MAST3: variants seen among roughly 807,000 people sequenced by gnomAD.
The protein encoded by MAST3 is microtubule-associated serine/threonine-protein kinase 3.
Under a neutral mutation model 127.0 loss-of-function variants are expected in MAST3, and 43 were observed. That is an observed-to-expected ratio of 0.34 (90% CI 0.27 to 0.44). The LOEUF is 0.44. MAST3 is among the 20% of genes least tolerant of loss of function. MAST3 has a pLI of 1.00. For missense variants in MAST3, 1,390 were observed against 1,919.1 expected (o/e 0.72, Z 5.15); for synonymous variants, 785 against 809.2 (o/e 0.97, Z 0.51).
At chr19:18,130,819 C>A in intron 14 of MAST3, 117 bp downstream of exon 14, 1 of 1,059,570 alleles carries the variant, frequency 9.4e-7, no homozygotes, top group Non-Finnish European at 1.4e-6. Flanking sequence ...TCTCACCCTG[C>A]TTTGGGGAAC....
In MAST3 at chr19:18,112,107, C is replaced by T. The variant is rs2038712447; in HGVS notation, c.161+1366C>T. ...CTGGGCACAGCTAAAGAAAGATTGG[C>T]ACCAGGCAGTGGGTACTGCATGTGC... On this transcript the variant is annotated intron_variant, in intron 3 of 27. Transcript: ENST00000687212. The surrounding 1 kb of genome is among the most constrained non-coding windows in gnomAD (Gnocchi z 4.1). Among the ~76,000 whole-genome samples, 1 of 152,220 alleles carries T rather than the reference C, an allele frequency of 6.6e-6. No homozygotes were observed. Among genetic ancestry groups the T allele is most frequent in the African/African-American group, 2.4e-5 (1 of 41,450 alleles).
At chr19:18,117,718 C>T (rs749790701) in intron 3 of MAST3, among the ~76,000 whole-genome samples, 145 of 152,258 alleles carry the variant, frequency 9.5e-4, no homozygotes, top group Non-Finnish European at 1.7e-3. Flanking sequence ...ATGGAGGGAG[C>T]GATTAGATTT....
intron 5 of MAST3, among the ~76,000 whole-genome samples, chr19:18,122,423 C>T (rs1366762279): frequency 1.3e-5 from 2 of 150,412 alleles, no homozygotes; most frequent in Admixed American, 6.6e-5. Flanking sequence ...CCAGAAGCTA[C>T]AGCTCAGAGG....
chr19:18,139,060 C>G lies in MAST3; in HGVS notation c.2141C>G (p.Thr714Ser). ...CATCTGGGCTCCGAGGACGACGAGA[C>G]CAATGATGAAGAATCGTCCACAGAG... ...YRHLGSEDDE[T>S]NDEESSTEIP... The change falls in exon 20 of 28, where the codon ACC becomes AGC. Residue 714 changes from threonine (T) to serine (S), a missense_variant. Around this residue, in one of 5 missense-constraint regions of MAST3, gnomAD observed 816 missense variants for 934.1 expected, o/e 0.87. Transcript: ENST00000687212. The G allele has an allele frequency of 1.2e-6, 2 of 1,604,322 alleles. No individual in the cohort carries two copies. Among genetic ancestry groups the G allele is most frequent in the Non-Finnish European group, 1.7e-6 (2 of 1,175,562 alleles).
Position 18,122,118 on chromosome 19 carries a change from G to A in MAST3, c.320+196G>A, listed in dbSNP as rs373959165. 348 of 985,022 alleles carry A rather than the reference G, an allele frequency of 3.5e-4. 2 individuals carry two copies. In the African/African-American group the frequency reaches 5.7e-3, roughly 16 times the overall value. 61.0% of individuals were successfully genotyped at this position (985,022 alleles called of 1,614,324 possible). A position where few individuals can be genotyped will look rare whatever the true frequency, so the allele number is the denominator to read the frequency against. On this transcript the variant is annotated intron_variant, in intron 5 of 27. Coordinates refer to ENST00000687212, the MANE Select transcript of MAST3 (RefSeq NM_001393504.1). Reference sequence around the variant, plus strand: ...ATGCCATCTTGCAGCCACATCCCACGCATGGACAGGTAATTTCAACCAGCC... The same window carrying A: ...ATGCCATCTTGCAGCCACATCCCACACATGGACAGGTAATTTCAACCAGCC...
chr19:18,134,244 A>C (rs1226271022), intron 15 of MAST3, among the ~76,000 whole-genome samples: 3 of 152,056 alleles, frequency 2.0e-5, no homozygotes, highest in African/African-American at 7.2e-5. Flanking sequence ...ATATACACAC[A>C]CACACATATA....
chr19:18,143,644 C>A, intron 21 of MAST3, 119 bp from the exon 22 acceptor site: 1 of 1,296,452 alleles, frequency 7.7e-7, no homozygotes, highest in Non-Finnish European at 1.1e-6. Flanking sequence ...GGAACTCGTC[C>A]TGTCTATGCA....
chr19:18,113,057 C>T (rs1215872795), intron 3 of MAST3, among the ~76,000 whole-genome samples: 1 of 152,132 alleles, frequency 6.6e-6, no homozygotes, highest in Non-Finnish European at 1.5e-5. Context: ...AAGGGAGGGA[C>T]CCGTGTGTTG....
At chr19:18,121,795 G>A (rs377563114) in intron 4 of MAST3, 22 bp downstream of exon 4, 33 of 1,613,860 alleles carry the variant, frequency 2.0e-5, no homozygotes, top group African/African-American at 5.3e-5. Context: ...AGCAGCCAGC[G>A]GGTGCTGTGT....
chr19:18,111,636 G>C (rs1212410850), intron 3 of MAST3, among the ~76,000 whole-genome samples: 15 of 147,708 alleles, frequency 1.0e-4, no homozygotes, highest in Admixed American at 9.8e-4. Flanking sequence ...CTGGGTTCAA[G>C]CAATTCTCCT....
At position 18,124,349 on chromosome 19, in the gene MAST3, C is replaced by T; in HGVS notation, c.928C>T (p.Arg310Trp). ...GCTGATCATCATCTCACGGCCAGCT[C>T]GGCTGCTGGAGTGTCTGGTAAGTTT... Reference protein sequence around the residue: ...KLLIIISRPARLLECLEFDPE... With the variant: ...KLLIIISRPAWLLECLEFDPE... Residue 310 changes from arginine to tryptophan, a missense_variant, in exon 10 of 28, where the codon CGG becomes TGG. Coordinates refer to ENST00000687212, the MANE Select transcript of MAST3 (RefSeq NM_001393504.1). 3 of 1,604,568 alleles carry T rather than the reference C, an allele frequency of 1.9e-6. No homozygotes were observed. The highest frequency in any genetic ancestry group is 2.6e-6 in the Non-Finnish European group (3 of 1,175,492).
Position 18,110,427 on chromosome 19 carries a change from T to C in MAST3, c.72-225T>C. 1.0e-6 allele frequency: 1 copy of C among 981,934 alleles called. No homozygotes were observed. Among genetic ancestry groups the C allele is most frequent in the Non-Finnish European group, 1.2e-6 (1 of 826,872 alleles). 60.8% of individuals were successfully genotyped at this position (981,934 alleles called of 1,614,324 possible). Reference sequence around the variant, plus strand: ...AGGGAGGACAGGATGACAACTACCCTCCCCCCACGTCTCTGTTCGTGTCGC... The same window carrying C: ...AGGGAGGACAGGATGACAACTACCCCCCCCCCACGTCTCTGTTCGTGTCGC... On this transcript the variant is annotated intron_variant, in intron 2 of 27. Transcript: ENST00000687212. This position sits in a 1 kb window ranked among gnomAD's most constrained non-coding sequence, Gnocchi z 4.3.
At chr19:18,099,041 G>A in intron 1 of MAST3, 1 of 300,656 alleles carries the variant, frequency 3.3e-6, no homozygotes, top group Non-Finnish European at 6.8e-6. Context: ...GAGGTTGACA[G>A]AAGCTGGAAC....
intron 1 of MAST3, among the ~76,000 whole-genome samples, chr19:18,101,113 A>C (rs1031779053): frequency 3.3e-5 from 5 of 152,158 alleles, no homozygotes; most frequent in African/African-American, 1.2e-4. Context: ...AGCTGTTATT[A>C]CTACTACTAC....
At chr19:18,117,834 C>T (rs2039455620) in intron 3 of MAST3, among the ~76,000 whole-genome samples, 2 of 151,414 alleles carry the variant, frequency 1.3e-5, no homozygotes, top group Non-Finnish European at 3.0e-5. Context: ...CCGGCCTCAG[C>T]CGCCCGCGGC....
intron 1 of MAST3, among the ~76,000 whole-genome samples, chr19:18,106,875 C>T (rs758883603): frequency 5.3e-5 from 8 of 151,358 alleles, no homozygotes; most frequent in South Asian, 4.2e-4. Context: ...CTGACCGGCC[C>T]GGCCTTTTTT....
At chr19:18,123,160 C>A (rs2040195710) in intron 6 of MAST3, 57 bp from the exon 7 acceptor site, 3 of 1,597,984 alleles carry the variant, frequency 1.9e-6, no homozygotes, top group Admixed American at 1.7e-5. Context: ...GTGCTGGGTT[C>A]CTGGCCACAG....
chr19:18,135,076 A>G, intron 17 of MAST3, 94 bp downstream of exon 17: 1 of 1,449,568 alleles, frequency 6.9e-7, no homozygotes, highest in South Asian at 1.3e-5. Context: ...AGAAGCAGGA[A>G]GAGGGGAGGG....
intron 3 of MAST3, chr19:18,118,320 G>C: frequency 4.4e-6 from 4 of 905,990 alleles, no homozygotes; most frequent in Non-Finnish European, 5.3e-6. Context: ...CCAGAAGTGT[G>C]TCCTGGCCGC....
Sources: allele counts gnomAD v4.1 joint callset (sites outside exome capture counted in the v4.1 genomes callset), GRCh38; gene constraint gnomAD v4.1.1; regional missense constraint gnomAD v4.1.1; non-coding constraint Gnocchi (gnomAD v3.1); transcripts MANE v1.5; gene names NCBI Gene and HGNC (gene_info 2026-07-23, HGNC 2026-07-21).